Variants in EFCAB3 observed in about 807,000 individuals in gnomAD.
EFCAB3 encodes EF-hand calcium-binding domain-containing protein 3.
EFCAB3 carries 36 observed loss-of-function variants against 42.2 expected under a neutral mutation model. The ratio of observed to expected loss-of-function variants is 0.85; its 90% CI spans 0.65 to 1.13. The LOEUF is 1.13. Ranked by LOEUF, EFCAB3 falls within the 50% of genes most tolerant of loss-of-function variation. The pLI is 0.00. For synonymous variants in EFCAB3, 170 were observed against 172.8 expected, an observed-to-expected ratio of 0.98 and a Z score of 0.13; for missense variants, 418 against 505.1, an observed-to-expected ratio of 0.83 and a Z score of 1.65.
chr17:62,400,961 C>T (rs576884058), intron 6 of EFCAB3, among the ~76,000 whole-genome samples: 2 of 152,216 alleles, frequency 1.3e-5, no homozygotes, highest in Non-Finnish European at 1.5e-5. Context: ...ATTTTAATGA[C>T]TTTTTAATGA....
chr17:62,398,803 G>T (rs142769921), intron 6 of EFCAB3, among the ~76,000 whole-genome samples: 1 of 152,024 alleles, frequency 6.6e-6, no homozygotes, highest in Non-Finnish European at 1.5e-5. Flanking sequence ...ATAATTCAAC[G>T]TACGTTAAAT....
At chr17:62,390,451 T>C (rs1329510036) in intron 3 of EFCAB3, among the ~76,000 whole-genome samples, 2 of 152,204 alleles carry the variant, frequency 1.3e-5, no homozygotes, top group Non-Finnish European at 2.9e-5. Context: ...TTCTCTTCTT[T>C]CTAATCATCC....
chr17:62,383,022 C>G lies in EFCAB3; in HGVS notation c.43C>G (p.Leu15Val). Reference sequence around the variant, plus strand: ...TAAACCAAAACTTAAGCTGAATCCTCTAACAAAAGTACCCATCTCCCACAA... The same window carrying G: ...TAAACCAAAACTTAAGCTGAATCCTGTAACAAAAGTACCCATCTCCCACAA... ...EIKPKLKLNPLTKVPISHNKR... is the reference protein window; with the variant it reads ...EIKPKLKLNPVTKVPISHNKR... The change falls in exon 2 of 10, where the codon CTA becomes GTA. Residue 15 changes from leucine to valine, a missense_variant. By Grantham distance (32) the Leu-to-Val change is conservative (BLOSUM62 1). Coordinates refer to ENST00000305286, the MANE Select transcript of EFCAB3 (RefSeq NM_173503.4). The G allele has an allele frequency of 6.2e-7, 1 of 1,613,574 alleles. No homozygotes were observed. Among genetic ancestry groups the G allele is most frequent in the South Asian group, 1.1e-5 (1 of 90,934 alleles).
chr17:62,389,049 A>G (rs2070280298), intron 3 of EFCAB3, among the ~76,000 whole-genome samples: 1 of 152,242 alleles, frequency 6.6e-6, no homozygotes, highest in Non-Finnish European at 1.5e-5. Context: ...TGGGGCCACA[A>G]GAGGAAGCAC....
At chr17:62,402,073 T>C (rs906470587) in intron 6 of EFCAB3, among the ~76,000 whole-genome samples, 1 of 152,248 alleles carries the variant, frequency 6.6e-6, no homozygotes, top group Non-Finnish European at 1.5e-5. Flanking sequence ...AGTACACTCA[T>C]GATTTGGCTC....
intron 6 of EFCAB3, chr17:62,397,548 C>T: frequency 1.7e-6 from 1 of 579,412 alleles, no homozygotes; most frequent in Non-Finnish European, 3.4e-6. Flanking sequence ...GCTTCTCATG[C>T]AAAAGGAATT....
chr17:62,399,633 C>T (rs1020600952), intron 6 of EFCAB3, among the ~76,000 whole-genome samples: 3 of 152,090 alleles, frequency 2.0e-5, no homozygotes, highest in African/African-American at 7.2e-5. Context: ...ACTTGCTTTT[C>T]CCTCTATCTG....
At chr17:62,408,317 A>C (rs963355450) in intron 8 of EFCAB3, among the ~76,000 whole-genome samples, 7 of 151,914 alleles carry the variant, frequency 4.6e-5, no homozygotes, top group African/African-American at 1.7e-4. Context: ...TGTCTCTAAT[A>C]ATCTCAGCAG....
At chr17:62,378,166 T>C, upstream of EFCAB3, 1 of 637,096 alleles carries the variant, frequency 1.6e-6, no homozygotes, top group East Asian at 2.9e-5. Flanking sequence ...AACACCGTTA[T>C]CTCTCCAACT....
chr17:62,410,489 C>T (rs980698624), intron 8 of EFCAB3, among the ~76,000 whole-genome samples: 2 of 152,096 alleles, frequency 1.3e-5, no homozygotes, highest in Non-Finnish European at 2.9e-5. Context: ...TATGGTAGCT[C>T]ATGCCTGTAA....
intron 2 of EFCAB3, 64 bp from the exon 3 acceptor site, chr17:62,387,276 T>C: frequency 7.8e-7 from 1 of 1,283,554 alleles, no homozygotes; most frequent in South Asian, 1.2e-5. Flanking sequence ...AACTGATGAG[T>C]AAGACTAATA....
intron 7 of EFCAB3, among the ~76,000 whole-genome samples, 154 bp from the exon 8 acceptor site, chr17:62,406,873 TG>T (rs2070452469): frequency 9.3e-6 from 1 of 107,434 alleles, no homozygotes; most frequent in African/African-American, 3.6e-5. Context: ...GCCTAGAGTC[TG>T]TGGATGGGTG....
intron 3 of EFCAB3, among the ~76,000 whole-genome samples, chr17:62,391,195 G>C (rs562815279): frequency 6.6e-6 from 1 of 152,214 alleles, no homozygotes; most frequent in African/African-American, 2.4e-5. Context: ...CCTGTCCTTA[G>C]CCAGGATGGT....
intron 6 of EFCAB3, among the ~76,000 whole-genome samples, chr17:62,405,849 A>G (rs975616121): frequency 1.3e-5 from 2 of 152,224 alleles, no homozygotes; most frequent in African/African-American, 2.4e-5. Context: ...AATGCAATCA[A>G]TAGTGATTTA....
At chr17:62,392,886 C>T (rs896617562) in intron 4 of EFCAB3, among the ~76,000 whole-genome samples, 2 of 152,156 alleles carry the variant, frequency 1.3e-5, no homozygotes, top group African/African-American at 2.4e-5. Flanking sequence ...ATCCGCCCGC[C>T]TCGGCCTCCT....
At chr17:62,385,623 G>C (rs1320823533) in intron 2 of EFCAB3, among the ~76,000 whole-genome samples, 1 of 151,612 alleles carries the variant, frequency 6.6e-6, no homozygotes, top group Non-Finnish European at 1.5e-5. Flanking sequence ...TTGAAAATGA[G>C]TTGAATCTAA....
At chr17:62,373,870 A>G in intron 2 of EFCAB3, 1 of 1,412,154 alleles carries the variant, frequency 7.1e-7, no homozygotes, top group Non-Finnish European at 9.8e-7. Context: ...GTTTAAACGT[A>G]AGTGAAAATT....
chr17:62,381,941 AGAG>A, intron 1 of EFCAB3: 1 of 308,444 alleles, frequency 3.2e-6, no homozygotes, highest in Admixed American at 3.6e-5. Flanking sequence ...CCGCTGCAGC[AGAG>A]GAGAAGATGA....
At chr17:62,378,309 G>T (rs184113033), upstream of EFCAB3, among the ~76,000 whole-genome samples, 11 of 152,092 alleles carry the variant, frequency 7.2e-5, no homozygotes, top group East Asian at 1.5e-3. Flanking sequence ...AGCCTATTTG[G>T]TATCACAGTA....
Sources: gnomAD v4.1 joint callset for allele counts (sites outside exome capture counted in the v4.1 genomes callset) on GRCh38, gnomAD v4.1.1 for gene constraint, MANE v1.5 for transcripts, NCBI Gene and HGNC (gene_info 2026-07-23, HGNC 2026-07-21) for gene names.